Variants in CPSF3 observed in about 807,000 individuals in gnomAD.
The protein encoded by CPSF3 is cleavage and polyadenylation specificity factor subunit 3.
CPSF3 carries 57 observed loss-of-function variants against 84.1 expected under a neutral mutation model. The ratio of observed to expected loss-of-function variants is 0.68; its 90% CI spans 0.55 to 0.85. CPSF3 has a LOEUF of 0.85. CPSF3 is among the 40% of genes least tolerant of loss of function. The probability of loss-of-function intolerance (pLI) is 0.00; values close to 1 mark genes in which losing one functional copy is unlikely to be tolerated. For synonymous variants in CPSF3, 275 were observed against 278.1 expected (o/e 0.99, Z 0.11); for missense variants, 522 against 838.8 (o/e 0.62, Z 4.66).
chr2:9,448,457 C>A, intron 11 of CPSF3, 107 bp downstream of exon 11: 1 of 922,248 alleles, frequency 1.1e-6, no homozygotes, highest in Non-Finnish European at 1.6e-6. Flanking sequence ...TTATTTCTGT[C>A]TACTTGTTAC....
At chr2:9,459,505 T>C in intron 14 of CPSF3, 26 bp from the exon 15 acceptor site, 1 of 1,546,020 alleles carries the variant, frequency 6.5e-7, no homozygotes, top group Non-Finnish European at 8.9e-7. Flanking sequence ...GTAGGTCACT[T>C]CCTAATTCTG....
At chr2:9,443,717 A>T (rs1361226782) in intron 10 of CPSF3, 56 bp downstream of exon 10, 1 of 1,585,726 alleles carries the variant, frequency 6.3e-7, no homozygotes, top group Non-Finnish European at 8.6e-7. Context: ...CATACCCAGG[A>T]AACTGTGCAG....
chr2:9,456,745 A>G (rs1681543543), intron 13 of CPSF3, among the ~76,000 whole-genome samples, 188 bp from the exon 14 acceptor site: 1 of 152,142 alleles, frequency 6.6e-6, no homozygotes, highest in Non-Finnish European at 1.5e-5. Flanking sequence ...ATCTAGTTGA[A>G]TGTTTGCAAT....
At position 9,428,846 on chromosome 2, in the gene CPSF3, A is replaced by T. The variant is rs532163240; in HGVS notation, c.114+18A>T. On this transcript the variant is annotated intron_variant, in intron 2 of 17. Transcript: ENST00000238112. ...AAATAATGGTAATTACTATTTTTGT[A>T]CTCAGTTTAATAGTATGGCTCTGTC... The T allele has an allele frequency of 1.4e-6, 2 of 1,443,418 alleles. No homozygotes were observed. Among genetic ancestry groups the T allele is most frequent in the African/African-American group, 1.4e-5 (1 of 71,816 alleles). 89.4% of individuals were successfully genotyped at this position (1,443,418 alleles called of 1,614,324 possible).
At chr2:9,432,404 T>A (rs971008929) in intron 4 of CPSF3, 107 bp from the exon 5 acceptor site, 29 of 749,226 alleles carry the variant, frequency 3.9e-5, no homozygotes, top group Admixed American at 6.7e-5. Context: ...ACAGTATATT[T>A]TAAAGAAATA....
At chr2:9,450,124 A>G (rs1326142019) in intron 11 of CPSF3, among the ~76,000 whole-genome samples, 1 of 150,166 alleles carries the variant, frequency 6.7e-6, no homozygotes, top group African/African-American at 2.4e-5. Context: ...CAGCCTCCCA[A>G]GTAGCTAGGA....
At chr2:9,439,097 A>T (rs1680880260) in intron 7 of CPSF3, among the ~76,000 whole-genome samples, 2 of 152,230 alleles carry the variant, frequency 1.3e-5, no homozygotes, top group Non-Finnish European at 2.9e-5. Flanking sequence ...GATAAACTAG[A>T]AGACAAAGCA....
At chr2:9,433,391 A>C (rs1172738984) in intron 5 of CPSF3, among the ~76,000 whole-genome samples, 1 of 152,226 alleles carries the variant, frequency 6.6e-6, no homozygotes, top group African/African-American at 2.4e-5. Flanking sequence ...TGGAACTTTT[A>C]GACATTGAAT....
intron 15 of CPSF3, among the ~76,000 whole-genome samples, chr2:9,466,149 T>G (rs1487040450): frequency 2.0e-5 from 3 of 152,028 alleles, no homozygotes; most frequent in Non-Finnish European, 4.4e-5. Flanking sequence ...GAGACCAACT[T>G]GGGCAACATG....
At chr2:9,445,046 A>G (rs899758763) in intron 10 of CPSF3, among the ~76,000 whole-genome samples, 2 of 152,208 alleles carry the variant, frequency 1.3e-5, no homozygotes, top group Non-Finnish European at 2.9e-5. Flanking sequence ...TTTTAAGTGT[A>G]CAAACCAGTG....
At chr2:9,440,756 G>GC in intron 8 of CPSF3, 90 bp downstream of exon 8, 1 of 1,331,238 alleles carries the variant, frequency 7.5e-7, no homozygotes, top group Non-Finnish European at 1.1e-6. Flanking sequence ...ATGGCTCACA[G>GC]CTGTAATTTA....
At chr2:9,465,572 C>T (rs944363374) in intron 15 of CPSF3, among the ~76,000 whole-genome samples, 2 of 147,520 alleles carry the variant, frequency 1.4e-5, no homozygotes, top group Non-Finnish European at 3.0e-5. Flanking sequence ...CACGCGCGCG[C>T]GTTTATATAT....
intron 13 of CPSF3, 98 bp downstream of exon 13, chr2:9,455,855 T>G: frequency 1.2e-6 from 1 of 833,014 alleles, no homozygotes; most frequent in Non-Finnish European, 1.9e-6. Flanking sequence ...GATAATTGTC[T>G]CAGAATTGTG....
intron 15 of CPSF3, among the ~76,000 whole-genome samples, chr2:9,462,043 A>G (rs893616227): frequency 6.6e-6 from 1 of 152,148 alleles, no homozygotes; most frequent in Admixed American, 6.5e-5. Flanking sequence ...TACAGGCTTC[A>G]GCCACCGTGC....
intron 15 of CPSF3, among the ~76,000 whole-genome samples, chr2:9,466,275 CACACACGT>C (rs1681932837): frequency 1.8e-5 from 1 of 55,414 alleles, no homozygotes; most frequent in Non-Finnish European, 4.4e-5. Context: ...AAGACGCACG[CACACACGT>C]GCGCACACAG....
intron 7 of CPSF3, among the ~76,000 whole-genome samples, chr2:9,437,602 G>A (rs113703176): frequency 8.5e-5 from 13 of 152,264 alleles, no homozygotes; most frequent in African/African-American, 3.1e-4. Flanking sequence ...GAGAAACAAT[G>A]GTTGTTACTT....
At chr2:9,460,891 A>G (rs902072461) in intron 15 of CPSF3, among the ~76,000 whole-genome samples, 2 of 152,132 alleles carry the variant, frequency 1.3e-5, no homozygotes, top group Non-Finnish European at 2.9e-5. Context: ...CCATACGGGA[A>G]GTATTCTGGG....
chr2:9,451,889 T>G (rs916102939), intron 11 of CPSF3, among the ~76,000 whole-genome samples: 1 of 151,998 alleles, frequency 6.6e-6, no homozygotes, highest in African/African-American at 2.4e-5. Context: ...GCTAGTTTTT[T>G]GTATTTTTAG....
At chr2:9,444,141 T>A (rs1024109936) in intron 10 of CPSF3, among the ~76,000 whole-genome samples, 1 of 72,978 alleles carries the variant, frequency 1.4e-5, no homozygotes, top group Non-Finnish European at 3.0e-5. Flanking sequence ...ATATATATAT[T>A]ATATATATAT....
Sources: allele counts gnomAD v4.1 joint callset (sites outside exome capture counted in the v4.1 genomes callset), GRCh38; gene constraint gnomAD v4.1.1; transcripts MANE v1.5; gene names NCBI Gene and HGNC (gene_info 2026-07-23, HGNC 2026-07-21).